Variants in KMT2C observed in about 807,000 individuals in gnomAD.
KMT2C encodes lysine methyltransferase 2C.
Under a neutral mutation model 507.9 loss-of-function variants are expected in KMT2C, and 88 were observed. The ratio of observed to expected loss-of-function variants is 0.17; its 90% CI spans 0.15 to 0.21. The LOEUF is 0.21. Ranked by LOEUF, KMT2C falls within the 10% of genes least tolerant of loss-of-function variation. KMT2C has a pLI of 1.00. For missense variants in KMT2C, 4,954 were observed against 5,957.8 expected (o/e 0.83, Z 5.55); for synonymous variants, 2,049 against 2,080.8 (o/e 0.98, Z 0.42).
At chr7:152,409,352 A>G (rs917404971) in intron 1 of KMT2C, among the ~76,000 whole-genome samples, 1 of 151,986 alleles carries the variant, frequency 6.6e-6, no homozygotes, top group African/African-American at 2.4e-5. Flanking sequence ...AATAGTTATG[A>G]GCTTTTTAAA....
intron 1 of KMT2C, among the ~76,000 whole-genome samples, chr7:152,422,315 C>T (rs528167281): frequency 2.1e-4 from 32 of 150,864 alleles, no homozygotes; most frequent in African/African-American, 7.3e-4. Context: ...ATTAGCCAGG[C>T]GTGGTGGCAG....
At chr7:152,179,309 G>A (rs1038039804) in intron 37 of KMT2C, among the ~76,000 whole-genome samples, 2 of 152,200 alleles carry the variant, frequency 1.3e-5, no homozygotes, top group Non-Finnish European at 2.9e-5. Flanking sequence ...AATTAATTTA[G>A]AATGTAAAGT....
chr7:152,263,473 G>A (rs2095813688), intron 8 of KMT2C, among the ~76,000 whole-genome samples: 1 of 152,148 alleles, frequency 6.6e-6, no homozygotes, highest in East Asian at 1.9e-4. Flanking sequence ...GTGTGGAAAG[G>A]AACAAATCTT....
intron 2 of KMT2C, among the ~76,000 whole-genome samples, chr7:152,331,742 G>A (rs1203975271): frequency 6.2e-5 from 9 of 144,578 alleles, no homozygotes; most frequent in East Asian, 4.1e-4. Context: ...TCTGCCTCCC[G>A]GGTTCAAGCA....
At chr7:152,227,230 A>G (rs2094960631) in intron 18 of KMT2C, among the ~76,000 whole-genome samples, 1 of 152,136 alleles carries the variant, frequency 6.6e-6, no homozygotes, top group Non-Finnish European at 1.5e-5. Context: ...CCTCTTTGAA[A>G]TTTCCTTTTA....
At chr7:152,301,027 C>T (rs1202174943) in intron 6 of KMT2C, among the ~76,000 whole-genome samples, 1 of 151,574 alleles carries the variant, frequency 6.6e-6, no homozygotes, top group East Asian at 1.9e-4. Flanking sequence ...CACTGCACTC[C>T]AGCCTGGTGA....
In KMT2C at chr7:152,311,690, T is replaced by C. The variant is rs556115270; in HGVS notation, c.739+108A>G. On this transcript the variant is annotated intron_variant, in intron 5 of 58. Coordinates refer to ENST00000262189, the MANE Select transcript of KMT2C (RefSeq NM_170606.3). ...TAATGATTTTTTTATAGTATGATTA[T>C]AATTATTTCTAGATGAAAGGTATTT... The C allele has an allele frequency of 7.7e-6, 6 of 783,462 alleles. No individual in the cohort carries two copies. The East Asian group carries it at 1.4e-4, about 19-fold the overall frequency. 48.5% of individuals were successfully genotyped at this position (783,462 alleles called of 1,614,324 possible). A position where few individuals can be genotyped will look rare whatever the true frequency, so the allele number is the denominator to read the frequency against.
intron 15 of KMT2C, among the ~76,000 whole-genome samples, chr7:152,238,170 T>G (rs1459180599): frequency 1.2e-4 from 18 of 152,302 alleles, no homozygotes; most frequent in Non-Finnish European, 2.5e-4. Flanking sequence ...CAATGAAGTA[T>G]TTTAACTTTT....
In KMT2C at chr7:152,177,344, G is replaced by C. The variant is rs144939086; in HGVS notation, c.8109C>G (p.Asp2703Glu). Residue 2703 changes from aspartate (D) to glutamate (E), a missense_variant, in exon 38 of 59, where the codon GAC (aspartate) becomes GAG (glutamate). Around this residue, in one of 29 missense-constraint regions of KMT2C, gnomAD observed 1,689 missense variants for 1,654.3 expected, o/e 1.02. Transcript: ENST00000262189. ...AGTCTTTGACTTCAACCCCCTCAAG[G>C]TCTTTAACATCCAGTTCCTTCACAG... ...DPSVKELDVK[D>E]LEGVEVKDLD... The C allele has an allele frequency of 1.1e-5, 17 of 1,613,916 alleles. No homozygotes were observed. The highest frequency in any genetic ancestry group is 1.4e-5 in the Non-Finnish European group (16 of 1,179,976).
chr7:152,182,359 G>A lies in KMT2C; in HGVS notation c.5501C>T (p.Pro1834Leu), dbSNP rs2129120889. The change falls in exon 36 of 59, where the codon CCA becomes CTA. Residue 1834 changes from proline (P) to leucine (L), a missense_variant. By Grantham distance (98) the Pro-to-Leu change is moderately conservative (BLOSUM62 -3). This residue lies in a region of KMT2C where 1,689 missense variants were observed against 1,654.3 expected (regional missense o/e 1.02). Coordinates refer to ENST00000262189, the MANE Select transcript of KMT2C (RefSeq NM_170606.3). ...AGATGTAGACGTAGGGGTACTGGGTGGCTGTTTTGTAAACAGTTCTTTATG... is the reference window on the plus strand; with the variant it reads ...AGATGTAGACGTAGGGGTACTGGGTAGCTGTTTTGTAAACAGTTCTTTATG... ...SFHKELFTKQ[P>L]PSTPTSTSSD... 2.5e-6 allele frequency: 4 copies of A among 1,613,498 alleles called. No homozygotes were observed. The highest frequency in any genetic ancestry group is 3.4e-6 in the Non-Finnish European group (4 of 1,179,690).
At chr7:152,284,823 T>C (rs1377177878) in intron 6 of KMT2C, among the ~76,000 whole-genome samples, 3 of 152,238 alleles carry the variant, frequency 2.0e-5, no homozygotes, top group Non-Finnish European at 4.4e-5. Flanking sequence ...CTCAATCTAA[T>C]TAATCATCAG....
intron 1 of KMT2C, among the ~76,000 whole-genome samples, chr7:152,428,458 C>CAAA (rs140697569): frequency 1.6e-4 from 12 of 73,510 alleles, no homozygotes; most frequent in East Asian, 4.7e-4. Context: ...ACTAAAAATA[C>CAAA]AAAAAAAAAA....
intron 6 of KMT2C, among the ~76,000 whole-genome samples, chr7:152,299,245 G>A (rs926808348): frequency 3.9e-5 from 6 of 152,100 alleles, no homozygotes; most frequent in Admixed American, 1.3e-4. Context: ...TTGAACCCAG[G>A]AGGCGGAGAC....
At position 152,139,175 on chromosome 7, in the gene KMT2C, C is replaced by T. The variant is rs1250071216; in HGVS notation, c.14534+11G>A. On this transcript the variant is annotated intron_variant, in intron 57 of 58. Transcript: ENST00000262189. ...CAAAAGCACTCCCCGTCAGGTTCCT[C>T]GCTGTCTCACCTTGCGGGCCCTCCT... 5.6e-6 allele frequency: 9 copies of T among 1,613,702 alleles called. No individual in the cohort carries two copies. The highest frequency in any genetic ancestry group is 1.3e-5 in the African/African-American group (1 of 74,932).
chr7:152,291,724 T>C (rs375762077), intron 6 of KMT2C, among the ~76,000 whole-genome samples: 1 of 149,792 alleles, frequency 6.7e-6, no homozygotes. Flanking sequence ...TATTCATCCA[T>C]CAAAAGCCTA....
intron 14 of KMT2C, among the ~76,000 whole-genome samples, chr7:152,246,930 CTAATTTTCACATTAAAAAATG>C (rs1489097367): frequency 2.6e-5 from 4 of 152,160 alleles, no homozygotes; most frequent in Non-Finnish European, 5.9e-5. Flanking sequence ...ATAGAGGAGA[CTAATTTTCACATTAAAAAATG>C]ATTTTCTTAA....
At chr7:152,412,154 C>A (rs1488663124) in intron 1 of KMT2C, among the ~76,000 whole-genome samples, 2 of 152,114 alleles carry the variant, frequency 1.3e-5, no homozygotes, top group Non-Finnish European at 2.9e-5. Context: ...GTAATCCCAG[C>A]AGTTTAGGAG....
At chr7:152,347,428 G>C (rs1454775138) in intron 2 of KMT2C, among the ~76,000 whole-genome samples, 1 of 152,226 alleles carries the variant, frequency 6.6e-6, no homozygotes, top group Non-Finnish European at 1.5e-5. Flanking sequence ...AGAAGCGCCA[G>C]ATCACTTTTT....
chr7:152,295,795 A>G (rs972056573), intron 6 of KMT2C, among the ~76,000 whole-genome samples: 1 of 152,192 alleles, frequency 6.6e-6, no homozygotes, highest in Non-Finnish European at 1.5e-5. Flanking sequence ...GGCTGGGCGC[A>G]GTGGCTCACG....
Sources: allele counts gnomAD v4.1 joint callset (sites outside exome capture counted in the v4.1 genomes callset), GRCh38; gene constraint gnomAD v4.1.1; regional missense constraint gnomAD v4.1.1; transcripts MANE v1.5; gene names NCBI Gene and HGNC (gene_info 2026-07-23, HGNC 2026-07-21).